The following PPTC7 variants were observed in gnomAD, a reference collection of about 807,000 sequenced individuals.
PPTC7 encodes the protein protein phosphatase targeting COQ7, also known as protein phosphatase PTC7 homolog.
Under a neutral mutation model 30.8 loss-of-function variants are expected in PPTC7, and 6 were observed. The ratio of observed to expected loss-of-function variants is 0.19; its 90% CI spans 0.11 to 0.38. The LOEUF (loss-of-function observed/expected upper bound fraction) is 0.38. Among genes scored for constraint, PPTC7 ranks in the 10% least tolerant of loss-of-function variants. The probability of loss-of-function intolerance (pLI) is 1.00; values close to 1 mark genes in which losing one functional copy is unlikely to be tolerated. For synonymous variants in PPTC7, 163 were observed against 168.1 expected (o/e 0.97, Z 0.23); for missense variants, 218 against 404.8 (o/e 0.54, Z 3.96).
chr12:110,569,669 AG>A (rs1004301690), intron 1 of PPTC7, among the ~76,000 whole-genome samples: 1 of 152,256 alleles, frequency 6.6e-6, no homozygotes, highest in African/African-American at 2.4e-5. Context: ...ACTTAGGAAA[AG>A]AAAACAAAAC....
chr12:110,546,104 A>AT (rs775438277), intron 2 of PPTC7, 26 bp from the exon 3 acceptor site: 42 of 1,601,194 alleles, frequency 2.6e-5, no homozygotes, highest in Non-Finnish European at 3.2e-5. Flanking sequence ...ATCTCCATTT[A>AT]TTTTTTCTTC....
intron 1 of PPTC7, among the ~76,000 whole-genome samples, chr12:110,579,740 C>T (rs972687505): frequency 2.3e-4 from 35 of 152,142 alleles, no homozygotes; most frequent in Middle Eastern, 3.4e-3. Context: ...GGGCTGGGCG[C>T]GGTGGTTCAT....
Position 110,583,238 on chromosome 12 carries a change from C to T in PPTC7, c.-207G>A, listed in dbSNP as rs942981013. On this transcript the variant is annotated 5_prime_UTR_variant, in exon 1 of 6. Transcript: ENST00000354300. ...ACCGGAGCCAGAGCGAGGTCAGAAG[C>T]GGCGGCTCCTCCGCCTCAGCCCAAC... is the stretch of plus-strand genomic sequence containing the variant. 4 of 185,294 alleles carry T rather than the reference C, an allele frequency of 2.2e-5. No individual in the cohort carries two copies. Among genetic ancestry groups the T allele is most frequent in the Admixed American group, 6.2e-5 (1 of 16,152 alleles). The allele number at this position is 185,294 out of a possible 1,614,324, so 11.5% of individuals were successfully genotyped here.
intron 1 of PPTC7, among the ~76,000 whole-genome samples, chr12:110,553,678 C>G (rs977980022): frequency 6.6e-6 from 1 of 152,114 alleles, no homozygotes; most frequent in Non-Finnish European, 1.5e-5. Context: ...ACTCAGGAGG[C>G]TGAGGCGGGA....
chr12:110,569,590 GA>G (rs1168450288), intron 1 of PPTC7, among the ~76,000 whole-genome samples: 1 of 151,802 alleles, frequency 6.6e-6, no homozygotes, highest in Admixed American at 6.6e-5. Flanking sequence ...CACACTGCAG[GA>G]AAAAAAGAGC....
intron 3 of PPTC7, among the ~76,000 whole-genome samples, chr12:110,543,216 T>C (rs961758413): frequency 2.0e-5 from 3 of 152,198 alleles, no homozygotes; most frequent in Non-Finnish European, 4.4e-5. Flanking sequence ...TCACACTAAA[T>C]GCACTCAGAA....
intron 1 of PPTC7, among the ~76,000 whole-genome samples, chr12:110,573,319 A>C (rs2064555595): frequency 1.3e-5 from 2 of 152,240 alleles, no homozygotes; most frequent in South Asian, 4.1e-4. Context: ...AGAAAATTGG[A>C]AACAACCTAA....
In PPTC7 at chr12:110,572,897, T is replaced by C. The variant is rs568004279; in HGVS notation, c.223+9912A>G. Among the ~76,000 whole-genome samples, 980 of 151,706 alleles carry C rather than the reference T, an allele frequency of 6.5e-3. 13 individuals are homozygous for C. Among genetic ancestry groups the C allele is most frequent in the Non-Finnish European group, 0.011 (741 of 67,944 alleles). On this transcript the variant is annotated intron_variant, in intron 1 of 5. Transcript: ENST00000354300. ...TATTTATTTATTTATTTATTTATTT[T>C]TGAGACGAGTCTCACTCTGTCACCC...
At chr12:110,581,769 C>T (rs1443450605) in intron 1 of PPTC7, among the ~76,000 whole-genome samples, 1 of 152,142 alleles carries the variant, frequency 6.6e-6, no homozygotes, top group East Asian at 1.9e-4. Context: ...TCATTTGTTC[C>T]AATGCCAAAC....
At position 110,548,789 on chromosome 12, in the gene PPTC7, ACTGAG is replaced by A. The variant is rs550958335; in HGVS notation, c.404-2716_404-2712del. Among the ~76,000 whole-genome samples, 1,075 of 152,238 alleles carry A rather than the reference ACTGAG, an allele frequency of 7.1e-3. 25 individuals are homozygous for A. Among genetic ancestry groups the A allele is most frequent in the Non-Finnish European group, 3.7e-3 (255 of 68,018 alleles). ...GGAATCAAAACAGTCCTGGTGAGTG[ACTGAG>A]CTTCAGTATCCAAAGCAGCACCAAC... On this transcript the variant is annotated intron_variant, in intron 2 of 5. Transcript: ENST00000354300.
Position 110,579,909 on chromosome 12 carries a change from T to C in PPTC7, c.223+2900A>G, listed in dbSNP as rs537740913. 2.4e-4 allele frequency among the ~76,000 whole-genome samples: 36 copies of C among 151,722 alleles called. 2 individuals are homozygous for C. The East Asian group carries it at 6.8e-3, about 29-fold the overall frequency. On this transcript the variant is annotated intron_variant, in intron 1 of 5. Transcript: ENST00000354300. ...GCGCCTGTAATCCCAGCTACTCAGG[T>C]GGCTGAGGCAGGGGAATCACTTAAA...
intron 1 of PPTC7, among the ~76,000 whole-genome samples, chr12:110,554,927 ATTTTAT>A (rs2064374546): frequency 6.6e-6 from 1 of 152,208 alleles, no homozygotes; most frequent in Non-Finnish European, 1.5e-5. Context: ...TTCTGTATTA[ATTTTAT>A]TTTTATCATG....
At chr12:110,574,173 A>AAAAAAAAAAC (rs2064567446) in intron 1 of PPTC7, among the ~76,000 whole-genome samples, 1 of 146,940 alleles carries the variant, frequency 6.8e-6, no homozygotes, top group Non-Finnish European at 1.5e-5. Flanking sequence ...AAAAAAAAAA[A>AAAAAAAAAAC]ATTAAAAGCA....
At chr12:110,539,588 G>C (rs929391665) in intron 4 of PPTC7, among the ~76,000 whole-genome samples, 1 of 152,146 alleles carries the variant, frequency 6.6e-6, no homozygotes. Context: ...ATACAAACAA[G>C]AAATGCCCTC....
chr12:110,545,917 C>A lies in PPTC7; in HGVS notation c.565G>T (p.Ala189Ser). ...ACGACTCCCTCGGCTTCAGGGGGAG[C>A]GATTGAGAGCTGGAATGGAGTGTTG... is the stretch of plus-strand genomic sequence containing the variant. ...YFNTPFQLSI[A>S]PPEAEGVVLS... Residue 189 changes from alanine (A) to serine (S), a missense_variant, in exon 3 of 6, where the codon GCT becomes TCT. By Grantham distance (99) the Ala-to-Ser change is moderately conservative (BLOSUM62 1). Transcript: ENST00000354300. 1 of 1,613,856 alleles carries A rather than the reference C, an allele frequency of 6.2e-7. No homozygotes were observed. The highest frequency in any genetic ancestry group is 8.5e-7 in the Non-Finnish European group (1 of 1,180,010).
intron 3 of PPTC7, among the ~76,000 whole-genome samples, chr12:110,543,465 ACTGG>A (rs2064280193): frequency 6.6e-6 from 1 of 152,168 alleles, no homozygotes; most frequent in South Asian, 2.1e-4. Flanking sequence ...AGACTGTAAA[ACTGG>A]GGGAAATCAG....
intron 3 of PPTC7, among the ~76,000 whole-genome samples, chr12:110,540,787 T>TC (rs1361347597): frequency 6.6e-6 from 1 of 151,802 alleles, no homozygotes; most frequent in Non-Finnish European, 1.5e-5. Context: ...ATCTTTTTTT[T>TC]TTTTTTGAGA....
chr12:110,582,736 G>T, intron 1 of PPTC7, 73 bp downstream of exon 1: 1 of 1,295,694 alleles, frequency 7.7e-7, no homozygotes, highest in Non-Finnish European at 1.1e-6. Flanking sequence ...GGAGGAACTG[G>T]GGAAGCCCCG....
At chr12:110,540,389 T>C (rs2064250240) in intron 3 of PPTC7, among the ~76,000 whole-genome samples, 2 of 138,446 alleles carry the variant, frequency 1.4e-5, no homozygotes, top group South Asian at 2.6e-4. Context: ...TGGCACGATA[T>C]AGGCTCACTG....
Sources: gnomAD v4.1 joint callset for allele counts (sites outside exome capture counted in the v4.1 genomes callset) on GRCh38, gnomAD v4.1.1 for gene constraint, MANE v1.5 for transcripts, NCBI Gene and HGNC (gene_info 2026-07-23, HGNC 2026-07-21) for gene names.